Variants in HIP1 observed in about 807,000 individuals in gnomAD.
The protein encoded by HIP1 is huntingtin-interacting protein 1.
HIP1 carries 65 observed loss-of-function variants against 147.6 expected under a neutral mutation model. The observed-to-expected ratio is 0.44, with a 90% confidence interval of 0.36 to 0.54. HIP1 has a LOEUF of 0.54. Ranked by LOEUF, HIP1 falls within the 20% of genes least tolerant of loss-of-function variation. HIP1 has a pLI of 0.00. For missense variants in HIP1, 1,061 were observed against 1,299.6 expected (o/e 0.82, Z 2.82); for synonymous variants, 479 against 504.0 (o/e 0.95, Z 0.67).
chr7:75,598,813 T>C (rs1376616199), intron 2 of HIP1, among the ~76,000 whole-genome samples: 2 of 151,924 alleles, frequency 1.3e-5, no homozygotes, highest in African/African-American at 4.8e-5. Flanking sequence ...ACGAGAGGAT[T>C]GCGTGAACCC....
chr7:75,544,481 C>A (rs1247221821), intron 27 of HIP1, among the ~76,000 whole-genome samples: 9 of 152,136 alleles, frequency 5.9e-5, no homozygotes, highest in African/African-American at 4.8e-5. Flanking sequence ...TCTAACCCAG[C>A]CAAGTACCAT....
intron 1 of HIP1, among the ~76,000 whole-genome samples, chr7:75,688,463 C>T (rs943997114): frequency 5.9e-5 from 9 of 151,468 alleles, no homozygotes; most frequent in Middle Eastern, 3.4e-3. Flanking sequence ...AGCCCCTCGA[C>T]GGGTGGGGGA....
chr7:75,728,206 A>G (rs1314080457), intron 1 of HIP1, among the ~76,000 whole-genome samples: 2 of 152,244 alleles, frequency 1.3e-5, no homozygotes, highest in African/African-American at 4.8e-5. Flanking sequence ...TTGTGGCAGT[A>G]TTAGCAGAGG....
chr7:75,693,848 A>G (rs1395064859), intron 1 of HIP1, among the ~76,000 whole-genome samples: 1 of 151,906 alleles, frequency 6.6e-6, no homozygotes, highest in African/African-American at 2.4e-5. Flanking sequence ...CACTGCACCA[A>G]TGCTGATGAC....
intron 1 of HIP1, among the ~76,000 whole-genome samples, chr7:75,624,870 C>T (rs1402598159): frequency 6.6e-6 from 1 of 152,000 alleles, no homozygotes; most frequent in Admixed American, 6.6e-5. Context: ...TTTATTCATT[C>T]ATTGAATTCA....
intron 1 of HIP1, among the ~76,000 whole-genome samples, chr7:75,670,665 G>A (rs548614190): frequency 2.4e-4 from 37 of 151,658 alleles, no homozygotes; most frequent in Non-Finnish European, 4.4e-4. Context: ...ACTGGATGGA[G>A]TGCTGTGGCA....
intron 1 of HIP1, among the ~76,000 whole-genome samples, chr7:75,658,528 G>C (rs1307321888): frequency 6.6e-6 from 1 of 152,096 alleles, no homozygotes; most frequent in Non-Finnish European, 1.5e-5. Flanking sequence ...TGAATTTTGC[G>C]GGCAGGAAAG....
chr7:75,592,617 T>C (rs1796540204), intron 2 of HIP1, 103 bp from the exon 3 acceptor site: 3 of 1,205,908 alleles, frequency 2.5e-6, no homozygotes, highest in South Asian at 1.5e-5. Context: ...CACCCAGCCA[T>C]CACAGGGGAT....
chr7:75,652,766 T>C (rs139054461), intron 1 of HIP1, among the ~76,000 whole-genome samples: 21 of 152,224 alleles, frequency 1.4e-4, no homozygotes, highest in African/African-American at 5.1e-4. Flanking sequence ...AAGTCTGAAG[T>C]GGTGAAGAGG....
intron 12 of HIP1, 88 bp from the exon 13 acceptor site, chr7:75,561,489 T>C: frequency 1.2e-6 from 1 of 868,460 alleles, no homozygotes; most frequent in Admixed American, 1.7e-5. Flanking sequence ...AATTAAAAGC[T>C]GGTATTAATT....
rs781880384 is a variant in HIP1 at position 75,664,466 on chromosome 7, G to A, written c.121-65219C>T. On this transcript the variant is annotated intron_variant, in intron 1 of 30. Coordinates refer to ENST00000336926, the MANE Select transcript of HIP1 (RefSeq NM_005338.7). ...CATATATACACATACATATGTGTGT[G>A]TGTATACGTATACACACATATATAC... Among the ~76,000 whole-genome samples the A allele has an allele frequency of 3.0e-4, 26 of 86,116 alleles. No individual in the cohort carries two copies. The South Asian group carries it at 3.4e-3, about 11-fold the overall frequency. The allele number at this position is 86,116 out of a possible 152,430, so 56.5% of individuals were successfully genotyped here.
intron 1 of HIP1, among the ~76,000 whole-genome samples, chr7:75,666,772 T>C (rs1213623816): frequency 2.0e-5 from 3 of 152,112 alleles, no homozygotes; most frequent in Admixed American, 6.6e-5. Context: ...GCAGATCACC[T>C]GGGACCAGAG....
At chr7:75,597,696 T>G (rs1383623525) in intron 2 of HIP1, among the ~76,000 whole-genome samples, 1 of 139,312 alleles carries the variant, frequency 7.2e-6, no homozygotes, top group Non-Finnish European at 1.5e-5. Context: ...GCTGAGATCA[T>G]GCCACTGCAC....
At chr7:75,552,293 T>C (rs1554492283) in intron 22 of HIP1, among the ~76,000 whole-genome samples, 4 of 152,218 alleles carry the variant, frequency 2.6e-5, no homozygotes. Context: ...TTCTTTTCCA[T>C]AGAGTCCATG....
chr7:75,675,000 T>C (rs1554515808), intron 1 of HIP1, among the ~76,000 whole-genome samples: 1 of 151,982 alleles, frequency 6.6e-6, no homozygotes, highest in African/African-American at 2.4e-5. Flanking sequence ...TTAGCATAAT[T>C]TCAAGTCATT....
At chr7:75,705,976 C>T (rs1022519487) in intron 1 of HIP1, among the ~76,000 whole-genome samples, 3 of 152,014 alleles carry the variant, frequency 2.0e-5, no homozygotes, top group Non-Finnish European at 2.9e-5. Flanking sequence ...ACTGCAACCT[C>T]GGCCTCCTGG....
intron 1 of HIP1, among the ~76,000 whole-genome samples, chr7:75,725,107 C>G (rs1256070592): frequency 6.6e-6 from 1 of 152,064 alleles, no homozygotes; most frequent in Non-Finnish European, 1.5e-5. Context: ...CTCACTGCAG[C>G]CTCCAACTTG....
chr7:75,660,799 A>T (rs1332331106), intron 1 of HIP1, among the ~76,000 whole-genome samples: 1 of 152,088 alleles, frequency 6.6e-6, no homozygotes, highest in African/African-American at 2.4e-5. Context: ...AAAACCAACA[A>T]TACCGCCAAA....
chr7:75,545,228 G>A (rs1554490786), intron 25 of HIP1, 40 bp from the exon 26 acceptor site: 1 of 1,173,236 alleles, frequency 8.5e-7, no homozygotes, highest in Admixed American at 1.8e-5. Flanking sequence ...CTTTTATTGA[G>A]CATGTACTAT....
Sources: allele counts gnomAD v4.1 joint callset (sites outside exome capture counted in the v4.1 genomes callset), GRCh38; gene constraint gnomAD v4.1.1; transcripts MANE v1.5; gene names NCBI Gene and HGNC (gene_info 2026-07-23, HGNC 2026-07-21).